Variants in BTBD9 observed in about 807,000 individuals in gnomAD.
The protein encoded by BTBD9 is BTB/POZ domain-containing protein 9.
A neutral mutation model predicts 64.3 loss-of-function variants in BTBD9; 49 were observed. The observed-to-expected ratio is 0.76, with a 90% confidence interval of 0.61 to 0.97. The LOEUF (loss-of-function observed/expected upper bound fraction) is 0.97, where lower values mean the gene tolerates loss of function less well. Ranked by LOEUF, BTBD9 falls within the 50% of genes least tolerant of loss-of-function variation. BTBD9 has a pLI of 0.00. For missense variants in BTBD9, 598 were observed against 762.1 expected (o/e 0.78, Z 2.53); for synonymous variants, 260 against 274.7 (o/e 0.95, Z 0.53).
chr6:38,318,929 GA>G (rs1020496997), intron 7 of BTBD9, among the ~76,000 whole-genome samples: 1 of 152,246 alleles, frequency 6.6e-6, no homozygotes, highest in Non-Finnish European at 1.5e-5. Context: ...AGAAACCTTA[GA>G]AATCTACCTG....
At chr6:38,264,679 C>T (rs760154934) in intron 8 of BTBD9, among the ~76,000 whole-genome samples, 3 of 152,146 alleles carry the variant, frequency 2.0e-5, no homozygotes, top group African/African-American at 4.8e-5. Context: ...TCACAGGGTT[C>T]GATGACGTGG....
intron 7 of BTBD9, among the ~76,000 whole-genome samples, chr6:38,301,244 T>C (rs1322066646): frequency 2.0e-5 from 3 of 152,156 alleles, no homozygotes; most frequent in East Asian, 1.9e-4. Flanking sequence ...TTTTGATGTG[T>C]TGCTGGATTC....
At chr6:38,593,383 T>A (rs565773306) in intron 3 of BTBD9, among the ~76,000 whole-genome samples, 1 of 152,324 alleles carries the variant, frequency 6.6e-6, no homozygotes, top group South Asian at 2.1e-4. Flanking sequence ...AATCAAGATA[T>A]GTAGCTTTTC....
intron 9 of BTBD9, among the ~76,000 whole-genome samples, chr6:38,216,930 G>A (rs1369970805): frequency 6.6e-6 from 1 of 152,122 alleles, no homozygotes; most frequent in Non-Finnish European, 1.5e-5. Context: ...TTCAGATTCA[G>A]TAGGTAGGAG....
intron 8 of BTBD9, among the ~76,000 whole-genome samples, chr6:38,276,050 A>C (rs563626841): frequency 2.0e-5 from 3 of 152,112 alleles, no homozygotes; most frequent in Admixed American, 6.6e-5. Flanking sequence ...ACATGCACAC[A>C]TATGTTTATT....
At chr6:38,358,497 G>A (rs1486296675) in intron 6 of BTBD9, among the ~76,000 whole-genome samples, 3 of 152,154 alleles carry the variant, frequency 2.0e-5, no homozygotes, top group Admixed American at 6.5e-5. Flanking sequence ...AGTTACTGCC[G>A]CAGCAGCAAA....
At chr6:38,377,925 A>G (rs1043601871) in intron 6 of BTBD9, among the ~76,000 whole-genome samples, 24 of 152,234 alleles carry the variant, frequency 1.6e-4, no homozygotes, top group Non-Finnish European at 2.1e-4. Context: ...CTTGAAAAAG[A>G]TATTTTAAAA....
chr6:38,414,330 GC>G (rs1184808269), intron 6 of BTBD9, among the ~76,000 whole-genome samples: 1 of 152,102 alleles, frequency 6.6e-6, no homozygotes, highest in East Asian at 1.9e-4. Context: ...CATTCTTATA[GC>G]TGTCTTTTGT....
chr6:38,261,519 T>C (rs1024728866), intron 8 of BTBD9, among the ~76,000 whole-genome samples: 1 of 152,238 alleles, frequency 6.6e-6, no homozygotes, highest in African/African-American at 2.4e-5. Flanking sequence ...CTTATTAATC[T>C]GCAATTTTTA....
At chr6:38,589,012 T>C (rs1776674385) in intron 4 of BTBD9, among the ~76,000 whole-genome samples, 2 of 152,230 alleles carry the variant, frequency 1.3e-5, no homozygotes, top group South Asian at 2.1e-4. Flanking sequence ...ATTTATATTA[T>C]TGATTTTATT....
chr6:38,447,173 C>G (rs1349140272), intron 6 of BTBD9, among the ~76,000 whole-genome samples: 1 of 152,124 alleles, frequency 6.6e-6, no homozygotes, highest in African/African-American at 2.4e-5. Flanking sequence ...TTGGCTAGTA[C>G]TGAAAGAAAA....
At chr6:38,365,052 C>T (rs1235173318) in intron 6 of BTBD9, among the ~76,000 whole-genome samples, 2 of 152,028 alleles carry the variant, frequency 1.3e-5, no homozygotes, top group African/African-American at 4.8e-5. Context: ...AATAGTAACA[C>T]TTATAACATT....
intron 7 of BTBD9, among the ~76,000 whole-genome samples, chr6:38,297,500 A>G (rs1762202477): frequency 6.6e-6 from 1 of 152,200 alleles, no homozygotes; most frequent in Admixed American, 6.5e-5. Flanking sequence ...TCTTCCTGGT[A>G]GATTGAACCT....
chr6:38,565,380 G>C (rs1238597878), intron 6 of BTBD9, among the ~76,000 whole-genome samples: 2 of 152,024 alleles, frequency 1.3e-5, no homozygotes. Flanking sequence ...CCTCAAAACA[G>C]TCTCCAGACA....
chr6:38,585,054 TA>T (rs200494998), intron 4 of BTBD9, among the ~76,000 whole-genome samples: 9,883 of 146,178 alleles, frequency 0.068, 755 homozygotes, highest in East Asian at 0.24. Flanking sequence ...CCTATTAAAT[TA>T]AAAAAAAAAA....
intron 6 of BTBD9, among the ~76,000 whole-genome samples, chr6:38,458,166 T>C (rs1769908389): frequency 6.6e-6 from 1 of 152,188 alleles, no homozygotes; most frequent in Non-Finnish European, 1.5e-5. Flanking sequence ...ACAAAACAGA[T>C]TAAAATATTT....
At chr6:38,421,109 C>G (rs1767885684) in intron 6 of BTBD9, among the ~76,000 whole-genome samples, 1 of 151,870 alleles carries the variant, frequency 6.6e-6, no homozygotes, top group African/African-American at 2.4e-5. Flanking sequence ...GTAATCCCAA[C>G]ACTTTGGGAG....
chr6:38,486,815 G>T (rs1413747228), intron 6 of BTBD9, among the ~76,000 whole-genome samples: 1 of 152,192 alleles, frequency 6.6e-6, no homozygotes, highest in Non-Finnish European at 1.5e-5. Flanking sequence ...TGTTGAACAC[G>T]GAGTTGCCAT....
chr6:38,543,575 T>A (rs1774387585), intron 6 of BTBD9, among the ~76,000 whole-genome samples: 3 of 152,174 alleles, frequency 2.0e-5, no homozygotes, highest in Admixed American at 2.0e-4. Flanking sequence ...GCTAGCCTTT[T>A]TTGCAGGTTG....
Sources: allele counts gnomAD v4.1 joint callset (sites outside exome capture counted in the v4.1 genomes callset), GRCh38; gene constraint gnomAD v4.1.1; transcripts MANE v1.5; gene names NCBI Gene and HGNC (gene_info 2026-07-23, HGNC 2026-07-21).